Variants in RBFOX2 observed in about 807,000 individuals in gnomAD.
The protein encoded by RBFOX2 is RNA binding protein fox-1 homolog 2.
In RBFOX2, 10 loss-of-function variants were observed where a neutral mutation model predicts 49.1. The ratio of observed to expected loss-of-function variants is 0.20; its 90% CI spans 0.13 to 0.35. The LOEUF (loss-of-function observed/expected upper bound fraction) is 0.35, where lower values mean the gene tolerates loss of function less well. RBFOX2 is among the 10% of genes least tolerant of loss of function. The pLI, the probability that RBFOX2 is intolerant of heterozygous loss-of-function variation, is 1.00. For missense variants in RBFOX2, 323 were observed against 486.9 expected (o/e 0.66, Z 3.17); for synonymous variants, 183 against 187.4 (o/e 0.98, Z 0.19).
At chr22:35,751,383 T>C (rs1934851806) in intron 9 of RBFOX2, among the ~76,000 whole-genome samples, 1 of 151,808 alleles carries the variant, frequency 6.6e-6, no homozygotes, top group African/African-American at 2.4e-5. Context: ...ATGTAGTGTA[T>C]AGATCAATAG....
chr22:35,752,887 T>C (rs1935461083), intron 9 of RBFOX2, among the ~76,000 whole-genome samples: 1 of 152,140 alleles, frequency 6.6e-6, no homozygotes, highest in Non-Finnish European at 1.5e-5. Flanking sequence ...ATACATAATC[T>C]AGCTGCCACA....
At chr22:36,012,502 T>C (rs1416504879) in intron 1 of RBFOX2, among the ~76,000 whole-genome samples, 1 of 152,152 alleles carries the variant, frequency 6.6e-6, no homozygotes, top group Non-Finnish European at 1.5e-5. Flanking sequence ...GCAGAATCGC[T>C]TGAGGAGTTC....
intron 2 of RBFOX2, among the ~76,000 whole-genome samples, chr22:35,783,435 A>C (rs1194101352): frequency 2.0e-5 from 3 of 151,782 alleles, no homozygotes; most frequent in Non-Finnish European, 4.4e-5. Context: ...TTTTGAAACT[A>C]TACTGCTGCA....
chr22:35,811,922 C>A (rs990630092), intron 1 of RBFOX2, among the ~76,000 whole-genome samples: 1 of 150,484 alleles, frequency 6.6e-6, no homozygotes, highest in Admixed American at 6.6e-5. Flanking sequence ...GATTGCATCA[C>A]CCTAGCCTGG....
intron 1 of RBFOX2, among the ~76,000 whole-genome samples, chr22:35,956,772 T>C (rs1400976047): frequency 1.3e-5 from 2 of 152,180 alleles, no homozygotes; most frequent in Admixed American, 6.5e-5. Flanking sequence ...ACAGAAGCAG[T>C]TTTCCTTTAG....
At chr22:35,964,878 G>GA (rs200338143), upstream of RBFOX2, among the ~76,000 whole-genome samples, 466 of 151,504 alleles carry the variant, frequency 3.1e-3, 3 homozygotes, top group Non-Finnish European at 5.5e-3. Context: ...ACCTTTTCTG[G>GA]AAAAAAAATG....
chr22:35,742,671 T>TCAGTTCTATCTAACAGCTAG (rs1335616507), exon 12 of RBFOX2: 2 of 152,630 alleles, frequency 1.3e-5, no homozygotes, highest in Admixed American at 6.5e-5. Context: ...CTTGCTTTTA[T>TCAGTTCTATCTAACAGCTAG]CAGTTCTATC....
intron 2 of RBFOX2, among the ~76,000 whole-genome samples, chr22:35,797,904 T>C (rs1325413798): frequency 3.3e-5 from 5 of 152,222 alleles, no homozygotes; most frequent in Non-Finnish European, 7.3e-5. Context: ...AAGTAGTACC[T>C]ACCTTCTAAA....
At chr22:35,779,788 A>T (rs1467427103) in intron 3 of RBFOX2, among the ~76,000 whole-genome samples, 12 of 152,216 alleles carry the variant, frequency 7.9e-5, no homozygotes, top group Non-Finnish European at 1.0e-4. Flanking sequence ...ATGTGGAAGA[A>T]AATAAAGCAA....
In RBFOX2 at chr22:35,988,416, T is replaced by C. The variant is rs924091327; in HGVS notation, c.186+39824A>G. ...CAGTTTGGCAGGAGCTCAAAGGAAA[T>C]AGGCTCTTATAATACAGTGAAATAA... On this transcript the variant is annotated intron_variant, in intron 1 of 13. Coordinates refer to the RBFOX2 transcript ENST00000438146. Among the ~76,000 whole-genome samples, 4 of 152,226 alleles carry C rather than the reference T, an allele frequency of 2.6e-5. No individual in the cohort carries two copies. The East Asian group carries it at 7.7e-4, about 29-fold the overall frequency.
chr22:35,865,735 C>T (rs149384737), intron 1 of RBFOX2, among the ~76,000 whole-genome samples: 6 of 152,244 alleles, frequency 3.9e-5, no homozygotes, highest in Admixed American at 6.5e-5. Flanking sequence ...GCCTCTTACC[C>T]AAATACTGGT....
intron 1 of RBFOX2, among the ~76,000 whole-genome samples, chr22:35,975,279 T>C (rs1188643995): frequency 6.6e-6 from 1 of 152,148 alleles, no homozygotes; most frequent in East Asian, 1.9e-4. Context: ...GACACTTTAA[T>C]TAGCACTGGT....
intron 9 of RBFOX2, chr22:35,747,922 C>A (rs1320194082): frequency 6.6e-6 from 1 of 152,112 alleles, no homozygotes; most frequent in Non-Finnish European, 1.5e-5. Flanking sequence ...TGTATCATTT[C>A]TTGGGATTGA....
At chr22:35,845,383 CCCATTCA>C (rs1454988505), upstream of RBFOX2, among the ~76,000 whole-genome samples, 5 of 151,118 alleles carry the variant, frequency 3.3e-5, no homozygotes, top group Non-Finnish European at 7.4e-5. Context: ...TCATATAGAA[CCCATTCA>C]CCATTCAAAA....
intron 4 of RBFOX2, among the ~76,000 whole-genome samples, chr22:35,769,690 C>CT (rs1227714339): frequency 6.6e-6 from 1 of 152,106 alleles, no homozygotes; most frequent in Non-Finnish European, 1.5e-5. Context: ...TTAATTTTAA[C>CT]TGAAGTTCTG....
chr22:35,756,173 CA>C (rs758648963), intron 9 of RBFOX2, 29 bp from the exon 11 acceptor site: 76 of 1,478,988 alleles, frequency 5.1e-5, no homozygotes, highest in South Asian at 2.0e-4. Context: ...AAAACAAAAA[CA>C]AAAAAAACAA....
chr22:35,831,554 C>G (rs957377490), intron 1 of RBFOX2, among the ~76,000 whole-genome samples: 1 of 152,192 alleles, frequency 6.6e-6, no homozygotes, highest in Non-Finnish European at 1.5e-5. Flanking sequence ...ACAGCTACAA[C>G]CAACGATTCA....
intron 2 of RBFOX2, among the ~76,000 whole-genome samples, chr22:35,788,248 C>T (rs764066958): frequency 2.0e-5 from 3 of 152,076 alleles, no homozygotes; most frequent in Non-Finnish European, 4.4e-5. Context: ...CTGAGTGACA[C>T]AAGATTAAGT....
chr22:35,814,097 A>G (rs971720696), intron 1 of RBFOX2, among the ~76,000 whole-genome samples: 1 of 152,234 alleles, frequency 6.6e-6, no homozygotes, highest in Non-Finnish European at 1.5e-5. Flanking sequence ...AACCACAGAT[A>G]GTAACAGAGG....
Sources: allele counts gnomAD v4.1 joint callset (sites outside exome capture counted in the v4.1 genomes callset), GRCh38; gene constraint gnomAD v4.1.1; transcripts MANE v1.5; gene names NCBI Gene and HGNC (gene_info 2026-07-23, HGNC 2026-07-21).